DOCK11: variants seen among roughly 807,000 people sequenced by gnomAD.
DOCK11 encodes dedicator of cytokinesis 11.
DOCK11 carries 70 observed loss-of-function variants against 169.1 expected under a neutral mutation model. The ratio of observed to expected loss-of-function variants is 0.41; its 90% confidence interval spans 0.34 to 0.51. DOCK11 has a LOEUF of 0.51. Among genes scored for constraint, DOCK11 ranks in the 20% least tolerant of loss-of-function variants. The probability of loss-of-function intolerance (pLI) is 0.10; values close to 1 mark genes in which losing one functional copy is unlikely to be tolerated. For missense variants in DOCK11, 1,166 were observed against 1,538.8 expected (o/e 0.76, Z 4.05); for synonymous variants, 529 against 541.3 (o/e 0.98, Z 0.32).
intron 10 of DOCK11, among the ~76,000 whole-genome samples, chrX:118,571,068 G>A (rs1358854844): frequency 9.0e-6 from 1 of 111,621 alleles, no homozygotes. Flanking sequence ...CTAAGCGGAT[G>A]CCTCTTACTC....
In DOCK11 at chrX:118,572,097, C is replaced by G. The variant is rs192692782; in HGVS notation, c.1036-226C>G. On this transcript the variant is annotated intron_variant, in intron 10 of 52. Coordinates refer to ENST00000276202, the MANE Select transcript of DOCK11 (RefSeq NM_144658.4). Reference sequence around the variant, plus strand: ...GCCATAGTACAGACTTGTGACTTTTCCATTGCCCTTAGATCCGAGTTTCAT... The same window carrying G: ...GCCATAGTACAGACTTGTGACTTTTGCATTGCCCTTAGATCCGAGTTTCAT... 8.0e-5 allele frequency among the ~76,000 whole-genome samples: 9 copies of G among 112,041 alleles called. No individual in the cohort carries two copies. In the Admixed American group the frequency reaches 8.5e-4, roughly 11 times the overall value.
rs150114314 is a variant in DOCK11 at position 118,513,211 on chromosome X, G to T, written c.102+17138G>T. ...TCTCTCCTCTGTTTGGCTAAAAAGT[G>T]TGCTTTGTGGCACAGAGCCATCACT... On this transcript the variant is annotated intron_variant, in intron 1 of 52. Coordinates refer to ENST00000276202, the MANE Select transcript of DOCK11 (RefSeq NM_144658.4). Among the ~76,000 whole-genome samples, 16 of 112,011 alleles carry T rather than the reference G, an allele frequency of 1.4e-4. No individual in the cohort carries two copies. The East Asian group carries it at 4.2e-3, about 30-fold the overall frequency.
chrX:118,608,481 C>A, intron 26 of DOCK11, 125 bp downstream of exon 26: 1 of 863,925 alleles, frequency 1.2e-6, no homozygotes, highest in Non-Finnish European at 1.6e-6. Context: ...CACCATTTTG[C>A]CCATGCATCC....
chrX:118,676,236 A>G (rs931647366), intron 47 of DOCK11, among the ~76,000 whole-genome samples, 187 bp downstream of exon 47: 11 of 112,062 alleles, frequency 9.8e-5, no homozygotes, highest in African/African-American at 3.2e-4. Flanking sequence ...ACAACAGAAA[A>G]GGTTTTGATT....
chrX:118,545,344 G>C lies in DOCK11; in HGVS notation c.414G>C (p.Lys138Asn). The C allele has an allele frequency of 1.7e-6, 2 of 1,200,090 alleles. No homozygotes were observed. Among genetic ancestry groups the C allele is most frequent in the Non-Finnish European group, 2.2e-6 (2 of 889,808 alleles). The change falls in exon 5 of 53, where the codon AAG becomes AAC. Residue 138 changes from lysine to asparagine, a missense_variant. Transcript: ENST00000276202. Reference protein sequence around the residue: ...MLPCKSLRPEKIPNHVFEIDE... With the variant: ...MLPCKSLRPENIPNHVFEIDE... ...GCAGTAAATCTTTGAGACCAGAAAA[G>C]ATTCCTAATCATGTATTTGAGATAG...
At chrX:118,607,059 T>TTTTCCTTTTCC (rs1428406549) in intron 24 of DOCK11, among the ~76,000 whole-genome samples, 2 of 106,800 alleles carry the variant, frequency 1.9e-5, no homozygotes, top group Non-Finnish European at 3.9e-5. Context: ...TTTCCTTTCC[T>TTTTCCTTTTCC]TTTCCTTTTC....
intron 44 of DOCK11, among the ~76,000 whole-genome samples, chrX:118,657,135 A>G (rs951804065): frequency 1.8e-5 from 2 of 111,792 alleles, no homozygotes; most frequent in Non-Finnish European, 3.8e-5. Context: ...CTTTAGAAAT[A>G]TAATTTCTTG....
At position 118,662,705 on chromosome X, in the gene DOCK11, T is replaced by G. The variant is rs968683736; in HGVS notation, c.4989T>G (p.Cys1663Trp). Residue 1663 changes from cysteine (C) to tryptophan (W), a missense_variant, in exon 45 of 53, where the codon TGT becomes TGG. Cys to Trp is a radical substitution (Grantham distance 215). Transcript: ENST00000276202. ...LHRKKLFPNG[C>W]SAFKKITPNI... ...ACACAGAATTATTTCCTAACGGATGTTCAGCGTTCAAGAAAATTACTCCCA... is the reference window on the plus strand; with the variant it reads ...ACACAGAATTATTTCCTAACGGATGGTCAGCGTTCAAGAAAATTACTCCCA... 8.5e-7 allele frequency: 1 copy of G among 1,180,476 alleles called. No homozygotes were observed. Among genetic ancestry groups the G allele is most frequent in the African/African-American group, 1.8e-5 (1 of 56,593 alleles).
intron 46 of DOCK11, among the ~76,000 whole-genome samples, chrX:118,674,924 A>C (rs770455710): frequency 8.9e-6 from 1 of 112,253 alleles, no homozygotes; most frequent in Admixed American, 9.5e-5. Flanking sequence ...CCTTAATGAC[A>C]GTGAGATTGA....
chrX:118,509,452 C>CG (rs2057635687), intron 1 of DOCK11, among the ~76,000 whole-genome samples: 1 of 111,168 alleles, frequency 9.0e-6, no homozygotes, highest in Middle Eastern at 4.6e-3. Context: ...TTAGTAGAGA[C>CG]GGGGTTTTAC....
intron 40 of DOCK11, among the ~76,000 whole-genome samples, chrX:118,647,815 TA>T (rs1213496781): frequency 3.8e-5 from 2 of 52,242 alleles, no homozygotes; most frequent in Non-Finnish European, 6.1e-5. Flanking sequence ...TAATATATAT[TA>T]TATTATTATA....
intron 28 of DOCK11, among the ~76,000 whole-genome samples, chrX:118,613,396 G>C (rs936191153): frequency 1.8e-5 from 2 of 111,767 alleles, no homozygotes; most frequent in African/African-American, 3.3e-5. Flanking sequence ...TGAATTCTTC[G>C]GATTTCACAG....
chrX:118,616,550 G>GT (rs367867715), intron 30 of DOCK11, among the ~76,000 whole-genome samples: 1,261 of 105,265 alleles, frequency 0.012, 9 homozygotes, highest in South Asian at 0.049. Flanking sequence ...TTTTGTTTTT[G>GT]TTTTTTTTTT....
intron 31 of DOCK11, among the ~76,000 whole-genome samples, chrX:118,619,497 A>AATATATAT (rs1556312711): frequency 4.4e-5 from 4 of 90,854 alleles, no homozygotes; most frequent in African/African-American, 1.7e-4. Context: ...AAAAAAAAAA[A>AATATATAT]ATATATATAT....
chrX:118,510,583 G>A (rs913726360), intron 1 of DOCK11, among the ~76,000 whole-genome samples: 2 of 111,526 alleles, frequency 1.8e-5, no homozygotes, highest in Middle Eastern at 4.7e-3. Flanking sequence ...CAAAGAGGTA[G>A]GGGTGTGTGT....
intron 32 of DOCK11, among the ~76,000 whole-genome samples, chrX:118,627,039 A>G (rs2015123368): frequency 8.9e-6 from 1 of 112,003 alleles, no homozygotes; most frequent in African/African-American, 3.2e-5. Flanking sequence ...AGACCAACCT[A>G]GGCAACATGG....
intron 24 of DOCK11, among the ~76,000 whole-genome samples, chrX:118,607,007 T>C (rs1427866043): frequency 9.1e-6 from 1 of 110,062 alleles, no homozygotes. Flanking sequence ...ATGCTTTTCA[T>C]TGCGTCTTTA....
intron 30 of DOCK11, among the ~76,000 whole-genome samples, chrX:118,616,643 A>C (rs2014824624): frequency 9.1e-6 from 1 of 110,175 alleles, no homozygotes; most frequent in Non-Finnish European, 1.9e-5. Context: ...TGTAGATGAA[A>C]CCACCTGATT....
At chrX:118,623,223 A>C (rs745983227) in intron 31 of DOCK11, among the ~76,000 whole-genome samples, 1 of 111,913 alleles carries the variant, frequency 8.9e-6, no homozygotes, top group African/African-American at 3.2e-5. Flanking sequence ...GTCTCAAAAA[A>C]AAAAGAATGA....
Sources: gnomAD v4.1 joint callset for allele counts (sites outside exome capture counted in the v4.1 genomes callset) on GRCh38, gnomAD v4.1.1 for gene constraint, MANE v1.5 for transcripts, NCBI Gene and HGNC (gene_info 2026-07-23, HGNC 2026-07-21) for gene names.